Variants in TDRD9 observed in about 807,000 individuals in gnomAD.
TDRD9 encodes ATP-dependent RNA helicase TDRD9.
A neutral mutation model predicts 172.6 loss-of-function variants in TDRD9; 124 were observed. That is an observed-to-expected ratio of 0.72 (90% CI 0.62 to 0.83). The LOEUF is 0.83. TDRD9 is among the 40% of genes least tolerant of loss of function. TDRD9 has a pLI of 0.00. For missense variants in TDRD9, 1,479 were observed against 1,714.1 expected (o/e 0.86, Z 2.42); for synonymous variants, 619 against 617.1 (o/e 1.00, Z -0.05).
At chr14:104,017,842 TTGC>T (rs1402894681) in intron 22 of TDRD9, among the ~76,000 whole-genome samples, 1 of 152,246 alleles carries the variant, frequency 6.6e-6, no homozygotes, top group South Asian at 2.1e-4. Flanking sequence ...AATCTTAATT[TTGC>T]TGTATTAGAC....
At chr14:103,933,810 C>A (rs1359124070) in intron 1 of TDRD9, among the ~76,000 whole-genome samples, 1 of 152,160 alleles carries the variant, frequency 6.6e-6, no homozygotes, top group Non-Finnish European at 1.5e-5. Context: ...CCGTCTCGGC[C>A]CTTCTGACAG....
chr14:103,990,062 C>A (rs544444115), intron 8 of TDRD9, among the ~76,000 whole-genome samples: 1 of 152,230 alleles, frequency 6.6e-6, no homozygotes, highest in African/African-American at 2.4e-5. Flanking sequence ...CCACCCAAAG[C>A]GGTACCACCA....
intron 8 of TDRD9, among the ~76,000 whole-genome samples, chr14:103,988,175 G>A (rs2033742249): frequency 7.4e-6 from 1 of 135,804 alleles, no homozygotes; most frequent in Admixed American, 7.6e-5. Flanking sequence ...ATTCTGAGTG[G>A]GATATTTTTT....
chr14:104,016,329 C>T (rs192982571), intron 22 of TDRD9, among the ~76,000 whole-genome samples: 3 of 152,244 alleles, frequency 2.0e-5, no homozygotes. Context: ...AGAGTTTATA[C>T]GTTCAAGGTC....
chr14:103,983,783 A>G (rs1048228520), intron 7 of TDRD9, among the ~76,000 whole-genome samples: 4 of 152,224 alleles, frequency 2.6e-5, no homozygotes, highest in Admixed American at 2.0e-4. Context: ...GTAACAAGGC[A>G]GAGGATGGAA....
chr14:104,022,051 A>T, intron 23 of TDRD9, 106 bp from the exon 24 acceptor site: 1 of 826,106 alleles, frequency 1.2e-6, no homozygotes, highest in Non-Finnish European at 1.9e-6. Flanking sequence ...AGTTACTGGC[A>T]TTTTGAGGAG....
Position 103,965,327 on chromosome 14 carries a change from T to C in TDRD9, c.421-6T>C. On this transcript the variant is annotated splice_polypyrimidine_tract_variant and splice_region_variant and intron_variant, in intron 3 of 35. Transcript: ENST00000409874. ...CTGATTTTGAAAGAATTTTTTAAAT[T>C]TCTAGGTTGTGTCTTTGATAGAAAG... 2 of 1,551,330 alleles carry C rather than the reference T, an allele frequency of 1.3e-6. No homozygotes were observed. The highest frequency in any genetic ancestry group is 1.7e-6 in the Non-Finnish European group (2 of 1,146,744).
chr14:104,030,953 A>T (rs1029113116), intron 28 of TDRD9, among the ~76,000 whole-genome samples, 155 bp from the exon 29 acceptor site: 15 of 152,244 alleles, frequency 9.9e-5, no homozygotes, highest in East Asian at 5.8e-4. Context: ...CATTGTGCAC[A>T]TGTACCCTAA....
intron 13 of TDRD9, among the ~76,000 whole-genome samples, chr14:103,999,021 C>T (rs2034161788): frequency 6.6e-6 from 1 of 152,158 alleles, no homozygotes; most frequent in Admixed American, 6.5e-5. Flanking sequence ...TCTTGATCTC[C>T]TGACTTTGTG....
chr14:103,982,859 C>T (rs1486659403), intron 7 of TDRD9, among the ~76,000 whole-genome samples: 3 of 152,106 alleles, frequency 2.0e-5, no homozygotes, highest in Non-Finnish European at 4.4e-5. Context: ...CAAGATCACG[C>T]CCTTGCACTC....
rs1483928412 is a variant in TDRD9 at position 103,938,436 on chromosome 14, A to ATT, written c.215+9713_215+9714insTT. On this transcript the variant is annotated intron_variant, in intron 1 of 35. Transcript: ENST00000409874. ...TGTGTATATATATATATATATATAT[A>ATT]TATATTTTTTTTTTTTTTTTGAGAT... Among the ~76,000 whole-genome samples the ATT allele has an allele frequency of 7.3e-3, 296 of 40,504 alleles. 14 individuals are homozygous for ATT. The highest frequency in any genetic ancestry group is 0.026 in the Middle Eastern group (1 of 38). 26.6% of individuals were successfully genotyped at this position (40,504 alleles called of 152,430 possible). A position where few individuals can be genotyped will look rare whatever the true frequency, so the allele number is the denominator to read the frequency against.
At chr14:104,017,527 CT>C (rs1220982385) in intron 22 of TDRD9, among the ~76,000 whole-genome samples, 12 of 152,220 alleles carry the variant, frequency 7.9e-5, no homozygotes, top group African/African-American at 2.7e-4. Context: ...ACTTACATGC[CT>C]TCTGTCACGG....
intron 35 of TDRD9, chr14:104,049,986 A>G (rs1042934487): frequency 1.1e-4 from 31 of 291,334 alleles, no homozygotes; most frequent in Non-Finnish European, 1.9e-4. Context: ...TCTTTGTGAA[A>G]TGCACCTTGG....
chr14:104,004,676 A>C (rs569377152), intron 14 of TDRD9, among the ~76,000 whole-genome samples: 1 of 152,080 alleles, frequency 6.6e-6, no homozygotes, highest in Non-Finnish European at 1.5e-5. Flanking sequence ...AGTTTTGCCA[A>C]ATAGTCTAAG....
chr14:103,994,620 G>T lies in TDRD9; in HGVS notation c.1320+17G>T. On this transcript the variant is annotated intron_variant, in intron 11 of 35. Transcript: ENST00000409874. ...TACAGAAAGGTAGGAAAACTGGGAA[G>T]ACAAGTTCTAAGCACTTTAGGTAAA... 1 of 1,603,186 alleles carries T rather than the reference G, an allele frequency of 6.2e-7. No individual in the cohort carries two copies. The highest frequency in any genetic ancestry group is 1.3e-5 in the African/African-American group (1 of 74,784).
At position 104,023,621 on chromosome 14, in the gene TDRD9, T is replaced by A. The variant is rs904390489; in HGVS notation, c.2607-948T>A. On this transcript the variant is annotated intron_variant, in intron 24 of 35. Coordinates refer to ENST00000409874, the MANE Select transcript of TDRD9 (RefSeq NM_153046.3). ...CAAACTGAGTCACCCATGGTATTTG[T>A]GACAGACTGCTTGCCTTTTGGCCAT... 1.0e-4 allele frequency among the ~76,000 whole-genome samples: 16 copies of A among 152,388 alleles called. No individual in the cohort carries two copies. In the Middle Eastern group the frequency reaches 0.014, roughly 130 times the overall value.
At chr14:103,990,316 A>T (rs1297703327) in intron 8 of TDRD9, among the ~76,000 whole-genome samples, 1 of 152,220 alleles carries the variant, frequency 6.6e-6, no homozygotes, top group African/African-American at 2.4e-5. Context: ...GTGACCATGG[A>T]TGCTGAGCTG....
chr14:103,930,060 C>A (rs770560877), intron 1 of TDRD9, among the ~76,000 whole-genome samples: 1 of 152,226 alleles, frequency 6.6e-6, no homozygotes, highest in Non-Finnish European at 1.5e-5. Context: ...AACACCTGCT[C>A]CCTCTTCTCG....
intron 9 of TDRD9, among the ~76,000 whole-genome samples, chr14:103,992,725 C>T (rs1382460939): frequency 1.3e-5 from 2 of 151,966 alleles, no homozygotes; most frequent in Admixed American, 1.3e-4. Context: ...AGATCGAGAC[C>T]ATCCTGGCTA....
Sources: allele counts gnomAD v4.1 joint callset (sites outside exome capture counted in the v4.1 genomes callset), GRCh38; gene constraint gnomAD v4.1.1; transcripts MANE v1.5; gene names NCBI Gene and HGNC (gene_info 2026-07-23, HGNC 2026-07-21).